The following TEX14 variants were observed in gnomAD, a reference collection of about 807,000 sequenced individuals.
TEX14 encodes the protein inactive serine/threonine-protein kinase TEX14.
A neutral mutation model predicts 178.6 loss-of-function variants in TEX14; 168 were observed. That is an observed-to-expected ratio of 0.94 (90% CI 0.83 to 1.07). TEX14 has a LOEUF of 1.07. TEX14 is among the 50% of genes least tolerant of loss of function. The pLI is 0.00. For missense variants in TEX14, 1,730 were observed against 1,753.6 expected, an observed-to-expected ratio of 0.99 and a Z score of 0.24; for synonymous variants, 626 against 634.1, an observed-to-expected ratio of 0.99 and a Z score of 0.19.
At chr17:58,665,943 G>C (rs1027193399) in intron 1 of TEX14, among the ~76,000 whole-genome samples, 2 of 150,624 alleles carry the variant, frequency 1.3e-5, no homozygotes, top group African/African-American at 4.9e-5. Flanking sequence ...GCTCTACTCA[G>C]GAGGCTGAGG....
intron 1 of TEX14, chr17:58,661,006 G>A (rs757178135): frequency 3.2e-5 from 38 of 1,172,534 alleles, no homozygotes; most frequent in South Asian, 8.5e-5. Context: ...ACCTCTGAAG[G>A]TGAAGAAGAT....
rs1458291775 is a variant in TEX14 at position 58,601,931 on chromosome 17, T to G, written c.1553A>C (p.Gln518Pro). 1 of 1,613,274 alleles carries G rather than the reference T, an allele frequency of 6.2e-7. No individual in the cohort carries two copies. ...CTGCACTCTGGGGCTCTCGGTTGGT[T>G]GAGTTCTCTGGGCTCCAGTAAAATC... Reference protein sequence around the residue: ...LKDFTGAQRTQPTESPRVQRY... With the variant: ...LKDFTGAQRTPPTESPRVQRY... The change falls in exon 13 of 32, where the codon CAA becomes CCA. Residue 518 changes from glutamine to proline, a missense_variant. Physicochemically the swap from Gln to Pro is moderately conservative, Grantham distance 76. This residue lies in a region of TEX14 where 789 missense variants were observed against 681.2 expected (regional missense o/e 1.16). Transcript: ENST00000349033.
At chr17:58,610,862 G>A (rs960489091) in intron 10 of TEX14, among the ~76,000 whole-genome samples, 2 of 151,960 alleles carry the variant, frequency 1.3e-5, no homozygotes, top group Non-Finnish European at 2.9e-5. Context: ...TTCCAGCCTG[G>A]GCAAGAGGGC....
chr17:58,610,710 A>C (rs534221012), intron 10 of TEX14, among the ~76,000 whole-genome samples: 1 of 152,208 alleles, frequency 6.6e-6, no homozygotes, highest in South Asian at 2.1e-4. Context: ...ACATGGTGAA[A>C]CTGCATCTCT....
intron 17 of TEX14, among the ~76,000 whole-genome samples, 164 bp downstream of exon 17, chr17:58,587,417 G>T (rs777035830): frequency 1.5e-4 from 23 of 151,966 alleles, no homozygotes; most frequent in Non-Finnish European, 3.2e-4. Flanking sequence ...GTAGTCAGAA[G>T]GGCCCTGCTT....
chr17:58,624,597 C>T (rs866258368), intron 3 of TEX14, among the ~76,000 whole-genome samples: 1 of 151,982 alleles, frequency 6.6e-6, no homozygotes, highest in South Asian at 2.1e-4. Flanking sequence ...CCACCTCAGC[C>T]TCCCAAAGTG....
intron 15 of TEX14, among the ~76,000 whole-genome samples, chr17:58,589,358 C>G (rs1279897891): frequency 1.3e-5 from 2 of 149,818 alleles, no homozygotes; most frequent in Non-Finnish European, 3.0e-5. Context: ...GTCAGGAGTT[C>G]AAGACCAGCC....
Position 58,608,092 on chromosome 17 carries a change from G to A in TEX14, c.1185-2963C>T, listed in dbSNP as rs546458928. ...GAGTCCAGGAGTTCAAGTCCAGCCTGGGCAACATGGCGTGACCTTATCTCT... is the reference window on the plus strand; with the variant it reads ...GAGTCCAGGAGTTCAAGTCCAGCCTAGGCAACATGGCGTGACCTTATCTCT... On this transcript the variant is annotated intron_variant, in intron 10 of 31. Coordinates refer to ENST00000349033, the MANE Select transcript of TEX14 (RefSeq NM_031272.5). Among the ~76,000 whole-genome samples, 17 of 152,238 alleles carry A rather than the reference G, an allele frequency of 1.1e-4. No individual in the cohort carries two copies. The South Asian group carries it at 3.5e-3, about 32-fold the overall frequency.
At chr17:58,674,867 G>A (rs1315758243) in intron 1 of TEX14, among the ~76,000 whole-genome samples, 7 of 150,022 alleles carry the variant, frequency 4.7e-5, no homozygotes, top group African/African-American at 1.5e-4. Context: ...CAGGTAGGCC[G>A]GGCACGGTGG....
chr17:58,559,124 C>G (rs1324100973), intron 30 of TEX14, among the ~76,000 whole-genome samples: 1 of 151,978 alleles, frequency 6.6e-6, no homozygotes, highest in African/African-American at 2.4e-5. Flanking sequence ...GAGCCGAGAT[C>G]GTGCCACTGC....
intron 24 of TEX14, among the ~76,000 whole-genome samples, chr17:58,570,718 C>T (rs900330569): frequency 1.4e-4 from 20 of 145,244 alleles, no homozygotes; most frequent in Non-Finnish European, 2.1e-4. Context: ...CTTCACCTCC[C>T]GGGTTCATGC....
chr17:58,570,628 T>C, intron 24 of TEX14, 144 bp from the exon 25 acceptor site: 3 of 449,458 alleles, frequency 6.7e-6, no homozygotes, highest in Non-Finnish European at 1.1e-5. Context: ...TTTTTTTTTT[T>C]TTTTTTTTTT....
chr17:58,645,044 G>C (rs1211179956), intron 2 of TEX14, among the ~76,000 whole-genome samples: 2 of 149,006 alleles, frequency 1.3e-5, no homozygotes, highest in African/African-American at 5.0e-5. Context: ...GGAGTGCAGT[G>C]GCGTGATCTC....
At chr17:58,689,748 AC>A (rs2047660267) in intron 1 of TEX14, among the ~76,000 whole-genome samples, 3 of 152,104 alleles carry the variant, frequency 2.0e-5, no homozygotes, top group African/African-American at 7.2e-5. Flanking sequence ...GGTTTCAAAA[AC>A]CTGGATCCCA....
At chr17:58,686,935 G>A (rs1330097146) in intron 1 of TEX14, among the ~76,000 whole-genome samples, 3 of 147,154 alleles carry the variant, frequency 2.0e-5, no homozygotes, top group African/African-American at 7.6e-5. Context: ...GCGCAGGGGA[G>A]GGATCTCAGC....
rs2046262324 is a variant in TEX14, at chr17:58,630,501, C to G, written c.190G>C (p.Ala64Pro). 6.2e-7 allele frequency: 1 copy of G among 1,614,026 alleles called. No individual in the cohort carries two copies. The highest frequency in any genetic ancestry group is 8.5e-7 in the Non-Finnish European group (1 of 1,179,964). The change falls in exon 3 of 32, where the codon GCG becomes CCG. Residue 64 changes from alanine (A) to proline (P), a missense_variant. Coordinates refer to ENST00000349033, the MANE Select transcript of TEX14 (RefSeq NM_031272.5). ...ACGAATTTCCTAAGGCCCAATAACG[C>G]CGCAACAAAAAGTGCTGTTTGGCCC... The part of the protein sequence containing the change: ...SLGQTALFVA[A>P]LLGLRKFVDV...
chr17:58,573,097 C>G, intron 23 of TEX14, 84 bp downstream of exon 23: 2 of 1,561,032 alleles, frequency 1.3e-6, no homozygotes, highest in Non-Finnish European at 1.7e-6. Context: ...GCCACCAGCT[C>G]TGATACCACG....
chr17:58,587,978 G>GTGTGGC lies in TEX14; in HGVS notation c.2614_2619dup (p.Ala872_Thr873dup). ...AGAGTGAAGAGTGCACTATTAAACT[G>GTGTGGC]TGTGGCTTTGGCTTGGGCAGTGGAC... On this transcript the variant is annotated inframe_insertion, in exon 16 of 32. Transcript: ENST00000349033. 1 of 1,598,146 alleles carries GTGTGGC rather than the reference G, an allele frequency of 6.3e-7. No individual in the cohort carries two copies. Among genetic ancestry groups the GTGTGGC allele is most frequent in the Non-Finnish European group, 8.6e-7 (1 of 1,165,488 alleles).
At chr17:58,626,323 C>A (rs1487771748) in intron 3 of TEX14, among the ~76,000 whole-genome samples, 1 of 143,092 alleles carries the variant, frequency 7.0e-6, no homozygotes, top group Non-Finnish European at 1.5e-5. Flanking sequence ...CCTAGCACAT[C>A]GGGAGGCCGA....
Sources: allele counts gnomAD v4.1 joint callset (sites outside exome capture counted in the v4.1 genomes callset), GRCh38; gene constraint gnomAD v4.1.1; regional missense constraint gnomAD v4.1.1; transcripts MANE v1.5; gene names NCBI Gene and HGNC (gene_info 2026-07-23, HGNC 2026-07-21).